Variants in MOB3B observed in about 807,000 individuals in gnomAD.
The protein encoded by MOB3B is MOB kinase activator-like 2B.
In MOB3B, 7 loss-of-function variants were observed where a neutral mutation model predicts 18.7. The ratio of observed to expected loss-of-function variants is 0.37; its 90% confidence interval spans 0.21 to 0.70. The LOEUF (loss-of-function observed/expected upper bound fraction) is 0.70. Ranked by LOEUF, MOB3B falls within the 30% of genes least tolerant of loss-of-function variation. MOB3B has a pLI of 0.52. For synonymous variants in MOB3B, 111 were observed against 99.9 expected, an observed-to-expected ratio of 1.11 and a Z score of -0.66; for missense variants, 253 against 281.3, an observed-to-expected ratio of 0.90 and a Z score of 0.72.
intron 1 of MOB3B, among the ~76,000 whole-genome samples, chr9:27,508,399 G>A (rs1180373996): frequency 1.3e-5 from 2 of 152,170 alleles, no homozygotes; most frequent in African/African-American, 2.4e-5. Context: ...AGAAGCTGAG[G>A]AATCCACGTG....
chr9:27,361,219 G>A (rs1307939075), intron 2 of MOB3B, among the ~76,000 whole-genome samples: 1 of 152,154 alleles, frequency 6.6e-6, no homozygotes, highest in African/African-American at 2.4e-5. Flanking sequence ...TCTTCAGCAT[G>A]AATTCTGTTG....
chr9:27,432,693 G>C (rs1052162003), intron 2 of MOB3B, among the ~76,000 whole-genome samples: 21 of 152,248 alleles, frequency 1.4e-4, no homozygotes, highest in Admixed American at 1.2e-3. Context: ...CCCAAAAATA[G>C]TACTGGAAAA....
chr9:27,475,953 A>C (rs1279338611), intron 1 of MOB3B, among the ~76,000 whole-genome samples: 5 of 152,200 alleles, frequency 3.3e-5, no homozygotes, highest in African/African-American at 9.7e-5. Context: ...GGTACTTTAA[A>C]GATATAAGTG....
At chr9:27,404,511 C>G (rs967910043) in intron 2 of MOB3B, among the ~76,000 whole-genome samples, 2 of 151,844 alleles carry the variant, frequency 1.3e-5, no homozygotes, top group African/African-American at 4.8e-5. Flanking sequence ...GCATGCACCA[C>G]CACGCCTGGC....
intron 2 of MOB3B, among the ~76,000 whole-genome samples, chr9:27,451,408 G>A (rs1822780260): frequency 6.6e-6 from 1 of 152,174 alleles, no homozygotes. Flanking sequence ...TGGTTTACAA[G>A]GTATCCACAT....
chr9:27,453,330 G>A (rs527936984), intron 2 of MOB3B, among the ~76,000 whole-genome samples: 22 of 152,220 alleles, frequency 1.4e-4, no homozygotes, highest in Non-Finnish European at 2.5e-4. Context: ...AAATCTTTAC[G>A]ATCTCTCAAA....
intron 2 of MOB3B, chr9:27,421,755 G>A (rs972952332): frequency 6.6e-6 from 1 of 152,240 alleles, no homozygotes; most frequent in Non-Finnish European, 1.5e-5. Context: ...CAGAACCTTG[G>A]TATTCACTCT....
At chr9:27,444,647 A>G (rs1436838425) in intron 2 of MOB3B, among the ~76,000 whole-genome samples, 2 of 152,200 alleles carry the variant, frequency 1.3e-5, no homozygotes, top group African/African-American at 4.8e-5. Context: ...ATTTCATCAA[A>G]TGCAGCTTAA....
chr9:27,511,052 A>G (rs1323877430), intron 1 of MOB3B, among the ~76,000 whole-genome samples: 6 of 152,186 alleles, frequency 3.9e-5, no homozygotes, highest in Non-Finnish European at 7.3e-5. Context: ...AACTGACCGC[A>G]TGGAGAGGGA....
chr9:27,477,439 G>A (rs1160243583), intron 1 of MOB3B, among the ~76,000 whole-genome samples: 14 of 152,028 alleles, frequency 9.2e-5, no homozygotes, highest in Non-Finnish European at 1.5e-4. Context: ...TTTCTTCATC[G>A]CTCCAGCTGA....
intron 3 of MOB3B, among the ~76,000 whole-genome samples, chr9:27,332,984 A>G (rs1820809598): frequency 6.6e-6 from 1 of 152,258 alleles, no homozygotes; most frequent in East Asian, 1.9e-4. Context: ...GCAGTCATTC[A>G]TGAATTTTCA....
intron 1 of MOB3B, among the ~76,000 whole-genome samples, chr9:27,525,412 C>T (rs533874278): frequency 1.3e-5 from 2 of 152,266 alleles, no homozygotes; most frequent in South Asian, 4.1e-4. Context: ...TATACATGCT[C>T]CCTAGAGTCA....
chr9:27,515,438 C>T (rs1346289906), intron 1 of MOB3B, among the ~76,000 whole-genome samples: 2 of 152,190 alleles, frequency 1.3e-5, no homozygotes, highest in Non-Finnish European at 1.5e-5. Flanking sequence ...TTGGTTAAGT[C>T]GCTCAATAGT....
chr9:27,473,103 T>C (rs1819498387), intron 1 of MOB3B, among the ~76,000 whole-genome samples: 2 of 152,208 alleles, frequency 1.3e-5, no homozygotes, highest in Admixed American at 6.5e-5. Context: ...TAACCTTGCA[T>C]GGCTTCTAGA....
chr9:27,390,589 A>C (rs956448871), intron 2 of MOB3B, among the ~76,000 whole-genome samples: 2 of 152,218 alleles, frequency 1.3e-5, no homozygotes, highest in Admixed American at 1.3e-4. Context: ...AGGTAATCTG[A>C]AGCCAGGCTG....
chr9:27,381,760 C>T lies in MOB3B; in HGVS notation c.419-22524G>A, dbSNP rs562540318. On this transcript the variant is annotated intron_variant, in intron 2 of 3. Coordinates refer to ENST00000262244, the MANE Select transcript of MOB3B (RefSeq NM_024761.5). ...CTCCTGGGCTTAAGCAATCCTCCTG[C>T]CTCAGCCTCTTGAGTAGCTAGAACT... is the stretch of plus-strand genomic sequence containing the variant. Among the ~76,000 whole-genome samples, 40 of 152,244 alleles carry T rather than the reference C, an allele frequency of 2.6e-4. 1 individual carries two copies. The highest frequency in any genetic ancestry group is 9.1e-4 in the African/African-American group (38 of 41,532).
chr9:27,336,191 C>A lies in MOB3B; in HGVS notation c.622-5575G>T, dbSNP rs536170811. Among the ~76,000 whole-genome samples the A allele has an allele frequency of 5.3e-5, 8 of 152,304 alleles. No homozygotes were observed. The South Asian group carries it at 8.3e-4, about 16-fold the overall frequency. On this transcript the variant is annotated intron_variant, in intron 3 of 3. Coordinates refer to ENST00000262244, the MANE Select transcript of MOB3B (RefSeq NM_024761.5). Reference sequence around the variant, plus strand: ...TTGAACTAACTTGCCCAAGTTCACCCAGCTAGTCAGTGTAACAATAATGAT... The same window carrying A: ...TTGAACTAACTTGCCCAAGTTCACCAAGCTAGTCAGTGTAACAATAATGAT...
chr9:27,408,286 G>A lies in MOB3B; in HGVS notation c.418+46847C>T, dbSNP rs556109810. ...AAGCTCTGTGGAGTTGATGAAGCAG[G>A]GAAATTGGGAGTGAAAGTAAAAATT... On this transcript the variant is annotated intron_variant, in intron 2 of 3. Coordinates refer to ENST00000262244, the MANE Select transcript of MOB3B (RefSeq NM_024761.5). Among the ~76,000 whole-genome samples, 5 of 152,238 alleles carry A rather than the reference G, an allele frequency of 3.3e-5. No homozygotes were observed. In the East Asian group the frequency reaches 9.7e-4, roughly 29 times the overall value.
At chr9:27,515,222 T>C (rs938717743) in intron 1 of MOB3B, among the ~76,000 whole-genome samples, 4 of 152,244 alleles carry the variant, frequency 2.6e-5, no homozygotes, top group Non-Finnish European at 5.9e-5. Context: ...TCTGATTTCG[T>C]TAACTAATCT....
Sources: gnomAD v4.1 joint callset for allele counts (sites outside exome capture counted in the v4.1 genomes callset) on GRCh38, gnomAD v4.1.1 for gene constraint, MANE v1.5 for transcripts, NCBI Gene and HGNC (gene_info 2026-07-23, HGNC 2026-07-21) for gene names.